Variants in PDE11A observed in about 807,000 individuals in gnomAD.
PDE11A encodes dual 3',5'-cyclic-AMP and -GMP phosphodiesterase 11A.
PDE11A carries 100 observed loss-of-function variants against 100.5 expected under a neutral mutation model. The ratio of observed to expected loss-of-function variants is 1.00; its 90% CI spans 0.85 to 1.18. The LOEUF (loss-of-function observed/expected upper bound fraction) is 1.18. Ranked by LOEUF, PDE11A falls within the 50% of genes most tolerant of loss-of-function variation. The probability of loss-of-function intolerance (pLI) is 0.00; values close to 1 mark genes in which losing one functional copy is unlikely to be tolerated. For missense variants in PDE11A, 1,141 were observed against 1,152.6 expected (o/e 0.99, Z 0.15); for synonymous variants, 381 against 420.8 (o/e 0.91, Z 1.16).
At chr2:177,933,882 A>C (rs961432781) in intron 2 of PDE11A, among the ~76,000 whole-genome samples, 4 of 152,184 alleles carry the variant, frequency 2.6e-5, no homozygotes, top group Admixed American at 2.0e-4. Context: ...CAATTGTGAA[A>C]GGACTCGTTG....
chr2:177,842,121 ACTGTGTACTTTATT>A (rs1451112087), intron 5 of PDE11A, among the ~76,000 whole-genome samples: 1 of 152,242 alleles, frequency 6.6e-6, no homozygotes, highest in African/African-American at 2.4e-5. Flanking sequence ...TTCATTCTGC[ACTGTGTACTTTATT>A]CCACATTTTA....
At chr2:177,962,569 A>ACT (rs2085648296) in intron 2 of PDE11A, among the ~76,000 whole-genome samples, 2 of 152,174 alleles carry the variant, frequency 1.3e-5, no homozygotes, top group South Asian at 4.1e-4. Context: ...TATGAAAGTA[A>ACT]TAAGCAGGAA....
At chr2:177,939,279 A>C (rs1054939221) in intron 2 of PDE11A, among the ~76,000 whole-genome samples, 13 of 151,976 alleles carry the variant, frequency 8.6e-5, no homozygotes, top group African/African-American at 3.1e-4. Flanking sequence ...ATACTACACT[A>C]CAACTAATAA....
intron 4 of PDE11A, among the ~76,000 whole-genome samples, chr2:177,881,549 A>C (rs2084343144): frequency 6.6e-6 from 1 of 152,224 alleles, no homozygotes; most frequent in Non-Finnish European, 1.5e-5. Flanking sequence ...GCAAGGCAAT[A>C]TACATGTGGC....
intron 9 of PDE11A, among the ~76,000 whole-genome samples, chr2:177,781,723 A>G (rs1202748513): frequency 6.6e-6 from 1 of 152,148 alleles, no homozygotes; most frequent in Admixed American, 6.5e-5. Flanking sequence ...GCTGGTCTTG[A>G]ACTTCTGACC....
intron 19 of PDE11A, among the ~76,000 whole-genome samples, chr2:177,640,044 T>C (rs1312487828): frequency 6.6e-6 from 1 of 152,254 alleles, no homozygotes; most frequent in Non-Finnish European, 1.5e-5. Flanking sequence ...AAGATGGTTT[T>C]GGCCCCCTAT....
At chr2:178,047,614 C>A (rs1423355375) in intron 1 of PDE11A, among the ~76,000 whole-genome samples, 1 of 152,138 alleles carries the variant, frequency 6.6e-6, no homozygotes, top group African/African-American at 2.4e-5. Context: ...CAGCCCAGAG[C>A]CCCTCTGGTA....
At chr2:177,669,694 A>C (rs1455954209) in intron 17 of PDE11A, 127 bp from the exon 18 acceptor site, 3 of 705,102 alleles carry the variant, frequency 4.3e-6, no homozygotes, top group Non-Finnish European at 7.8e-6. Flanking sequence ...TGAGGAAGTA[A>C]GTATATTAAC....
chr2:177,760,206 C>G (rs934543382), intron 10 of PDE11A, among the ~76,000 whole-genome samples: 2 of 152,116 alleles, frequency 1.3e-5, no homozygotes, highest in Admixed American at 1.3e-4. Flanking sequence ...ACTTTGTGAG[C>G]CTCAAGTGAG....
chr2:178,083,201 G>A (rs528122060), intron 2 of PDE11A, among the ~76,000 whole-genome samples: 111 of 151,272 alleles, frequency 7.3e-4, no homozygotes, highest in South Asian at 1.5e-3. Context: ...CCGGGTTCAA[G>A]CAATTCTCCT....
At chr2:177,883,121 T>C (rs1475210420) in intron 4 of PDE11A, among the ~76,000 whole-genome samples, 1 of 151,814 alleles carries the variant, frequency 6.6e-6, no homozygotes, top group Non-Finnish European at 1.5e-5. Context: ...ATACAAAAAT[T>C]AGCCACGCAT....
chr2:177,697,536 A>T (rs193084023), intron 14 of PDE11A, 104 bp from the exon 15 acceptor site: 231 of 689,724 alleles, frequency 3.3e-4, no homozygotes, highest in African/African-American at 2.2e-3. Flanking sequence ...TAAAAAAATC[A>T]CTTTTTAAAA....
chr2:178,037,564 A>T (rs898931372), intron 1 of PDE11A, among the ~76,000 whole-genome samples: 8 of 152,226 alleles, frequency 5.3e-5, no homozygotes, highest in Admixed American at 2.6e-4. Context: ...ATAAAGACCC[A>T]TGCGTACATG....
intron 6 of PDE11A, among the ~76,000 whole-genome samples, chr2:177,830,405 G>C (rs138101591): frequency 6.6e-6 from 1 of 151,980 alleles, no homozygotes; most frequent in East Asian, 1.9e-4. Flanking sequence ...TTCAAGACCA[G>C]CCTGGCCAAC....
chr2:178,050,343 A>G (rs867022500), intron 1 of PDE11A, among the ~76,000 whole-genome samples: 2 of 152,240 alleles, frequency 1.3e-5, no homozygotes, highest in South Asian at 2.1e-4. Context: ...CCAAAACCCC[A>G]TATGTACATC....
chr2:177,996,505 G>T (rs1269484655), intron 2 of PDE11A, among the ~76,000 whole-genome samples: 1 of 150,052 alleles, frequency 6.7e-6, no homozygotes, highest in Non-Finnish European at 1.5e-5. Flanking sequence ...ACACATATAC[G>T]CTTATGTATG....
intron 5 of PDE11A, among the ~76,000 whole-genome samples, chr2:177,846,247 A>C (rs1320693514): frequency 6.6e-6 from 1 of 152,200 alleles, no homozygotes; most frequent in Non-Finnish European, 1.5e-5. Flanking sequence ...AAGTGATCTT[A>C]GGAAAACTTC....
intron 19 of PDE11A, among the ~76,000 whole-genome samples, chr2:177,649,241 C>T (rs1233842439): frequency 2.0e-5 from 3 of 152,058 alleles, no homozygotes; most frequent in Non-Finnish European, 4.4e-5. Context: ...TGCTTATATG[C>T]CAAATGCCCA....
rs79591206 is a variant in PDE11A, at chr2:177,673,028, T to A, written c.2487+2427A>T. 6.7e-3 allele frequency among the ~76,000 whole-genome samples: 1,021 copies of A among 152,340 alleles called. 7 individuals carry two copies. Among genetic ancestry groups the A allele is most frequent in the Middle Eastern group, 0.01 (3 of 294 alleles). ...CCTGTTAGGCCCAAGGCACTAGGAATTAAGTCAGAAGAGAGAAAGAAATAA... is the reference window on the plus strand; with the variant it reads ...CCTGTTAGGCCCAAGGCACTAGGAAATAAGTCAGAAGAGAGAAAGAAATAA... On this transcript the variant is annotated intron_variant, in intron 17 of 19. Coordinates refer to ENST00000286063, the MANE Select transcript of PDE11A (RefSeq NM_016953.4).
Sources: allele counts gnomAD v4.1 joint callset (sites outside exome capture counted in the v4.1 genomes callset), GRCh38; gene constraint gnomAD v4.1.1; transcripts MANE v1.5; gene names NCBI Gene and HGNC (gene_info 2026-07-23, HGNC 2026-07-21).